Variants in FBXO10 observed in about 807,000 individuals in gnomAD.
The protein encoded by FBXO10 is F-box protein 10.
FBXO10 carries 39 observed loss-of-function variants against 80.7 expected under a neutral mutation model. The observed-to-expected ratio is 0.48, with a 90% CI of 0.37 to 0.63. The LOEUF is 0.63. Ranked by LOEUF, FBXO10 falls within the 30% of genes least tolerant of loss-of-function variation. The pLI, the probability that FBXO10 is intolerant of heterozygous loss-of-function variation, is 0.00. For synonymous variants in FBXO10, 449 were observed against 489.6 expected (o/e 0.92, Z 1.09); for missense variants, 1,025 against 1,269.0 (o/e 0.81, Z 2.92).
In FBXO10 at chr9:37,537,551, G is replaced by C. The variant is rs779282818; in HGVS notation, c.978C>G (p.Ser326=). 9 of 1,613,244 alleles carry C rather than the reference G, an allele frequency of 5.6e-6. No homozygotes were observed. The highest frequency in any genetic ancestry group is 7.6e-6 in the Non-Finnish European group (9 of 1,179,600). The change falls in exon 3 of 11, where the codon TCC becomes TCG. Residue 326 remains serine (S), a synonymous_variant. Transcript: ENST00000432825. ...AGCCAGCCTTGGAGCCTGGCTTTGG[G>C]GAGCTAGAGGCTGGGCTGGTAGGGC... The part of the protein sequence containing the change: ...SQSPTSPASS[S]PKPGSKAGSQ...
At chr9:37,572,361 T>C (rs1037222121) in intron 1 of FBXO10, among the ~76,000 whole-genome samples, 1 of 152,172 alleles carries the variant, frequency 6.6e-6, no homozygotes, top group African/African-American at 2.4e-5. Context: ...TAAAGAAACT[T>C]GTTCAAATAC....
chr9:37,521,548 G>C, intron 8 of FBXO10, 21 bp downstream of exon 8: 2 of 1,545,394 alleles, frequency 1.3e-6, no homozygotes, highest in Non-Finnish European at 1.8e-6. Context: ...TCTTGAGCAG[G>C]GGCTGAGGGG....
intron 1 of FBXO10, among the ~76,000 whole-genome samples, chr9:37,555,085 T>C (rs1255422678): frequency 6.6e-6 from 1 of 152,082 alleles, no homozygotes; most frequent in Non-Finnish European, 1.5e-5. Context: ...GGGTCACACT[T>C]TGTCACCCAG....
At position 37,512,656 on chromosome 9, in the gene FBXO10, G is replaced by T. The variant is rs189963337; in HGVS notation, c.2762C>A (p.Pro921His). ...CTTCTGCCCATTGTGGGCTGCCGAG[G>T]GACGTCTGAGAGAATTTTCAAGGTG... ...RPHLENSLRRPSAAHNGQKVT... is the reference protein window; with the variant it reads ...RPHLENSLRRHSAAHNGQKVT... Residue 921 changes from proline (P) to histidine (H), a missense_variant, in exon 11 of 11, where the codon CCC becomes CAC. Physicochemically the swap from Pro to His is moderately conservative, Grantham distance 77 (BLOSUM62 -2). This residue lies in a region of FBXO10 where 97 missense variants were observed against 101.8 expected (regional missense o/e 0.95). Transcript: ENST00000432825. The T allele has an allele frequency of 4.6e-5, 74 of 1,614,004 alleles. No individual in the cohort carries two copies. In the African/African-American group the frequency reaches 9.6e-4, roughly 21 times the overall value.
At chr9:37,525,794 C>T (rs982993172) in intron 5 of FBXO10, among the ~76,000 whole-genome samples, 9 of 152,296 alleles carry the variant, frequency 5.9e-5, no homozygotes, top group Admixed American at 2.6e-4. Flanking sequence ...CCGCCTCAGC[C>T]TCCTAAAGTG....
chr9:37,533,880 A>AC (rs201201911), intron 3 of FBXO10, among the ~76,000 whole-genome samples: 2,977 of 151,890 alleles, frequency 0.02, 88 homozygotes, highest in African/African-American at 0.068. Context: ...CTCAAAAAAA[A>AC]AAAAACAAAA....
At position 37,541,321 on chromosome 9, in the gene FBXO10, T is replaced by G. The variant is rs1250392087; in HGVS notation, c.448A>C (p.Lys150Gln). 12 of 1,613,974 alleles carry G rather than the reference T, an allele frequency of 7.4e-6. No individual in the cohort carries two copies. Among genetic ancestry groups the G allele is most frequent in the Non-Finnish European group, 1.0e-5 (12 of 1,179,876 alleles). Residue 150 changes from lysine (K) to glutamine (Q), a missense_variant, in exon 2 of 11, where the codon AAG becomes CAG. By Grantham distance (53) the Lys-to-Gln change is moderately conservative (BLOSUM62 1). Transcript: ENST00000432825. ...TGCCCTACAATCTCCACAGGCACCT[T>G]CAAGATGATTTCACCTTGCTCTTCG... ...VYEEQGEIIL[K>Q]VPVEIVGQGK...
intron 5 of FBXO10, among the ~76,000 whole-genome samples, chr9:37,526,410 C>T: frequency 6.6e-6 from 1 of 152,186 alleles, no homozygotes; most frequent in East Asian, 1.9e-4. Context: ...ACAACCTATT[C>T]TCTCAAGATG....
rs768475047 is a variant in FBXO10 at position 37,515,917 on chromosome 9, C to G, written c.2683G>C (p.Val895Leu). 1 of 1,613,350 alleles carries G rather than the reference C, an allele frequency of 6.2e-7. No homozygotes were observed. The highest frequency in any genetic ancestry group is 8.5e-7 in the Non-Finnish European group (1 of 1,179,640). The change falls in exon 10 of 11, where the codon GTC becomes CTC. Residue 895 changes from valine to leucine, a missense_variant. Physicochemically the swap from Val to Leu is conservative, Grantham distance 32. Around this residue, in one of 3 missense-constraint regions of FBXO10, gnomAD observed 97 missense variants for 101.8 expected, o/e 0.95. Coordinates refer to ENST00000432825, the MANE Select transcript of FBXO10 (RefSeq NM_012166.3). ...ECIMQNNKFL[V>L]FKKKSDTWRL... The stretch of plus-strand genomic sequence containing the variant: ...CCAAGCACTCACTTTTTCTTGAAGA[C>G]CAGGAACTTGTTGTTTTGCATGATG...
At chr9:37,566,242 C>T (rs1822602932) in intron 1 of FBXO10, among the ~76,000 whole-genome samples, 1 of 152,144 alleles carries the variant, frequency 6.6e-6, no homozygotes, top group African/African-American at 2.4e-5. Flanking sequence ...GGGAAACACA[C>T]TTTCTACCTA....
At chr9:37,544,872 T>C (rs1822013012) in intron 1 of FBXO10, among the ~76,000 whole-genome samples, 1 of 151,328 alleles carries the variant, frequency 6.6e-6, no homozygotes, top group South Asian at 2.1e-4. Context: ...CGGGTGCCTG[T>C]AGTCCCAGCT....
chr9:37,550,196 T>TTTTTTTTTTTTTTTTG (rs1822161499), intron 1 of FBXO10, among the ~76,000 whole-genome samples: 1 of 112,356 alleles, frequency 8.9e-6, no homozygotes, highest in Admixed American at 9.2e-5. Context: ...TTTTTTTTTT[T>TTTTTTTTTTTTTTTTG]TTTTGAGATA....
chr9:37,521,149 C>T (rs1821334037), intron 8 of FBXO10, among the ~76,000 whole-genome samples: 1 of 152,208 alleles, frequency 6.6e-6, no homozygotes. Flanking sequence ...GATTGGGGAT[C>T]AGGCTGGAAG....
intron 5 of FBXO10, among the ~76,000 whole-genome samples, chr9:37,528,713 CTGACCACA>C (rs1024403247): frequency 6.6e-6 from 1 of 152,226 alleles, no homozygotes; most frequent in African/African-American, 2.4e-5. Flanking sequence ...ATATCAGTCC[CTGACCACA>C]GCATGCTTTT....
In FBXO10 at chr9:37,570,723, G is replaced by A. The variant is rs368274464; in HGVS notation, c.-7+5488C>T. On this transcript the variant is annotated intron_variant, in intron 1 of 10. Coordinates refer to ENST00000432825, the MANE Select transcript of FBXO10 (RefSeq NM_012166.3). ...GAAAATATTATAAACGGCCAGGTGC[G>A]GTGGCTCACGCCTGTAATCCCAGCA... Among the ~76,000 whole-genome samples, 72 of 152,252 alleles carry A rather than the reference G, an allele frequency of 4.7e-4. No individual in the cohort carries two copies. In the South Asian group the frequency reaches 0.012, roughly 25 times the overall value.
chr9:37,532,269 G>A (rs1294543156), intron 3 of FBXO10, among the ~76,000 whole-genome samples: 2 of 150,786 alleles, frequency 1.3e-5, no homozygotes, highest in East Asian at 3.9e-4. Flanking sequence ...TGCCCTGCAG[G>A]CTCCTTAGCG....
intron 7 of FBXO10, 124 bp from the exon 8 acceptor site, chr9:37,521,962 G>A (rs1392011671): frequency 1.9e-5 from 21 of 1,092,376 alleles, no homozygotes; most frequent in South Asian, 3.6e-5. Flanking sequence ...TAATGACCTC[G>A]GACAAGCCAC....
At position 37,515,936 on chromosome 9, in the gene FBXO10, C is replaced by A; in HGVS notation, c.2664G>T (p.Met888Ile). ...TGAAGACCAGGAACTTGTTGTTTTGCATGATGCATTCTCGGTTGTTTGAGA... is the reference window on the plus strand; with the variant it reads ...TGAAGACCAGGAACTTGTTGTTTTGAATGATGCATTCTCGGTTGTTTGAGA... ...QQISNNRECI[M>I]QNNKFLVFKK... The change falls in exon 10 of 11, where the codon ATG becomes ATT. Residue 888 changes from methionine (M) to isoleucine (I), a missense_variant. Met to Ile is a conservative substitution (Grantham distance 10, BLOSUM62 1). Around this residue, in one of 3 missense-constraint regions of FBXO10, gnomAD observed 97 missense variants for 101.8 expected, o/e 0.95. Coordinates refer to ENST00000432825, the MANE Select transcript of FBXO10 (RefSeq NM_012166.3). The A allele has an allele frequency of 6.2e-7, 1 of 1,613,886 alleles. No individual in the cohort carries two copies. Among genetic ancestry groups the A allele is most frequent in the Non-Finnish European group, 8.5e-7 (1 of 1,179,840 alleles).
chr9:37,513,607 C>T (rs1055731650), intron 10 of FBXO10, among the ~76,000 whole-genome samples: 2 of 150,960 alleles, frequency 1.3e-5, no homozygotes, highest in African/African-American at 2.4e-5. Context: ...ATATTTTTTC[C>T]GAGACGGAGT....
Sources: gnomAD v4.1 joint callset for allele counts (sites outside exome capture counted in the v4.1 genomes callset) on GRCh38, gnomAD v4.1.1 for gene constraint, gnomAD v4.1.1 regional missense constraint, MANE v1.5 for transcripts, NCBI Gene and HGNC (gene_info 2026-07-23, HGNC 2026-07-21) for gene names.